The following RNLS variants were observed in gnomAD, a reference collection of about 807,000 sequenced individuals.
The protein encoded by RNLS is renalase, FAD dependent amine oxidase.
Under a neutral mutation model 39.8 loss-of-function variants are expected in RNLS, and 39 were observed. The observed-to-expected ratio is 0.98, with a 90% CI of 0.76 to 1.28. The LOEUF (loss-of-function observed/expected upper bound fraction) is 1.28. Among genes scored for constraint, RNLS ranks in the 50% most tolerant of loss-of-function variants. The pLI, the probability that RNLS is intolerant of heterozygous loss-of-function variation, is 0.00. For synonymous variants in RNLS, 147 were observed against 150.7 expected (o/e 0.98, Z 0.18); for missense variants, 410 against 413.3 (o/e 0.99, Z 0.07).
intron 4 of RNLS, among the ~76,000 whole-genome samples, chr10:88,447,041 C>A (rs1842076117): frequency 6.6e-6 from 1 of 152,178 alleles, no homozygotes; most frequent in African/African-American, 2.4e-5. Context: ...TTATGACAAA[C>A]CCACAGCCAA....
chr10:88,284,472 A>G lies in RNLS; in HGVS notation c.*882T>C. Reference sequence around the variant, plus strand: ...CATGTGGGTGATATGCTGAACCACCAACTTGGCAAATATTGAACTATTTTA... The same window carrying G: ...CATGTGGGTGATATGCTGAACCACCGACTTGGCAAATATTGAACTATTTTA... On this transcript the variant is annotated 3_prime_UTR_variant, in exon 7 of 7. Coordinates refer to ENST00000331772, the MANE Select transcript of RNLS (RefSeq NM_001031709.3). 2 of 985,366 alleles carry G rather than the reference A, an allele frequency of 2.0e-6. No individual in the cohort carries two copies. Among genetic ancestry groups the G allele is most frequent in the Non-Finnish European group, 2.4e-6 (2 of 829,904 alleles). The allele number at this position is 985,366 out of a possible 1,614,324, so 61.0% of individuals were successfully genotyped here. A position where few individuals can be genotyped will look rare whatever the true frequency, so the allele number is the denominator to read the frequency against.
the RNLS span, among the ~76,000 whole-genome samples, chr10:88,214,745 G>C: frequency 2.0e-5 from 3 of 151,994 alleles, no homozygotes; most frequent in Non-Finnish European, 4.4e-5. Context: ...AAATTAATAT[G>C]TCATTTTGCT....
intron 4 of RNLS, among the ~76,000 whole-genome samples, chr10:88,526,105 T>C (rs1044821151): frequency 2.6e-5 from 4 of 151,968 alleles, no homozygotes; most frequent in African/African-American, 4.8e-5. Flanking sequence ...ACAGTGGCCA[T>C]AGCATCTCAA....
Position 88,562,623 on chromosome 10 carries a change from G to A in RNLS, c.526+10280C>T, listed in dbSNP as rs896776157. Reference sequence around the variant, plus strand: ...TTGTTGGGCATTCTATGAATAGACTGTGTGGGAAGGAATAAAGAGATACTT... The same window carrying A: ...TTGTTGGGCATTCTATGAATAGACTATGTGGGAAGGAATAAAGAGATACTT... On this transcript the variant is annotated intron_variant, in intron 4 of 6. Coordinates refer to ENST00000331772, the MANE Select transcript of RNLS (RefSeq NM_001031709.3). Among the ~76,000 whole-genome samples, 5 of 152,208 alleles carry A rather than the reference G, an allele frequency of 3.3e-5. No individual in the cohort carries two copies. In the East Asian group the frequency reaches 9.7e-4, roughly 29 times the overall value.
chr10:88,473,273 C>T (rs746763908), intron 4 of RNLS, among the ~76,000 whole-genome samples: 11 of 152,216 alleles, frequency 7.2e-5, no homozygotes, highest in South Asian at 2.1e-4. Flanking sequence ...ATATCTCAAA[C>T]GGTGAAAATA....
chr10:88,539,130 T>G (rs1046714945), intron 4 of RNLS, among the ~76,000 whole-genome samples: 3 of 151,996 alleles, frequency 2.0e-5, no homozygotes, highest in African/African-American at 7.2e-5. Context: ...TTCAGGCAAT[T>G]TTAGAGAGGG....
chr10:88,189,980 A>G, the RNLS span, among the ~76,000 whole-genome samples: 1 of 151,886 alleles, frequency 6.6e-6, no homozygotes, highest in Non-Finnish European at 1.5e-5. Context: ...CAGAACCATG[A>G]CTCCTTCTTG....
chr10:88,523,498 T>C (rs1846887306), intron 4 of RNLS, among the ~76,000 whole-genome samples: 1 of 152,104 alleles, frequency 6.6e-6, no homozygotes, highest in African/African-American at 2.4e-5. Context: ...TCACTTCCTT[T>C]CTCCTTTAGG....
At chr10:88,477,641 G>A (rs1325907) in intron 4 of RNLS, among the ~76,000 whole-genome samples, 73,249 of 152,034 alleles carry the variant, frequency 0.48, 18,181 homozygotes, top group Middle Eastern at 0.57. Flanking sequence ...AGTGGTATGT[G>A]ACAGATAACA....
intron 5 of RNLS, among the ~76,000 whole-genome samples, chr10:88,347,462 G>T (rs1350800359): frequency 6.6e-6 from 1 of 152,074 alleles, no homozygotes; most frequent in Non-Finnish European, 1.5e-5. Context: ...TCAAAATAAG[G>T]TTATCAAATA....
chr10:88,454,515 T>A (rs78088684), intron 4 of RNLS, among the ~76,000 whole-genome samples: 1,883 of 152,358 alleles, frequency 0.012, 45 homozygotes, highest in African/African-American at 0.042. Context: ...AATGCTGTGA[T>A]ATCCACTTGG....
At chr10:88,411,135 C>G (rs1853630670) in intron 4 of RNLS, among the ~76,000 whole-genome samples, 1 of 152,130 alleles carries the variant, frequency 6.6e-6, no homozygotes, top group South Asian at 2.1e-4. Flanking sequence ...TTGGTCACTG[C>G]ACAGTCAATT....
chr10:88,305,729 G>T (rs978126534), intron 6 of RNLS, among the ~76,000 whole-genome samples: 6 of 152,114 alleles, frequency 3.9e-5, no homozygotes, highest in Non-Finnish European at 8.8e-5. Context: ...CAATAATAGT[G>T]GGGATCTTTA....
At chr10:88,276,192 T>G (rs72818073) in intron 6 of RNLS, among the ~76,000 whole-genome samples, 3 of 152,334 alleles carry the variant, frequency 2.0e-5, no homozygotes, top group Non-Finnish European at 4.4e-5. Context: ...TTTCTCTACA[T>G]TAAGGACATA....
chr10:88,439,451 G>T (rs937442848), intron 4 of RNLS, among the ~76,000 whole-genome samples: 1 of 152,150 alleles, frequency 6.6e-6, no homozygotes, highest in African/African-American at 2.4e-5. Context: ...CTATGCTTTT[G>T]TTTATTAACT....
chr10:88,369,076 T>G (rs538463949), intron 4 of RNLS, among the ~76,000 whole-genome samples: 1 of 152,184 alleles, frequency 6.6e-6, no homozygotes, highest in Non-Finnish European at 1.5e-5. Flanking sequence ...AGATTCTTCA[T>G]GTTATTAAAT....
chr10:88,351,973 T>A (rs1035998550), intron 5 of RNLS, among the ~76,000 whole-genome samples: 2 of 152,210 alleles, frequency 1.3e-5, no homozygotes, highest in Non-Finnish European at 2.9e-5. Context: ...CAATTGTGAA[T>A]GGGATTTCAC....
At chr10:88,406,610 T>C (rs945147701) in intron 4 of RNLS, among the ~76,000 whole-genome samples, 3 of 152,048 alleles carry the variant, frequency 2.0e-5, no homozygotes, top group Non-Finnish European at 2.9e-5. Flanking sequence ...CTGGAGGGAA[T>C]GTAAACTAGT....
chr10:88,418,622 T>A (rs1210732860), intron 4 of RNLS, among the ~76,000 whole-genome samples: 1 of 152,232 alleles, frequency 6.6e-6, no homozygotes, highest in Non-Finnish European at 1.5e-5. Flanking sequence ...GGCTCTCATT[T>A]GAGATAAGAA....
Sources: gnomAD v4.1 joint callset for allele counts (sites outside exome capture counted in the v4.1 genomes callset) on GRCh38, gnomAD v4.1.1 for gene constraint, MANE v1.5 for transcripts, NCBI Gene and HGNC (gene_info 2026-07-23, HGNC 2026-07-21) for gene names.